The following MYO5A variants were observed in gnomAD, a reference collection of about 807,000 sequenced individuals.
The protein encoded by MYO5A is unconventional myosin-Va.
In MYO5A, 98 loss-of-function variants were observed where a neutral mutation model predicts 249.7. That is an observed-to-expected ratio of 0.39 (90% CI 0.33 to 0.46). The LOEUF (loss-of-function observed/expected upper bound fraction) is 0.46. MYO5A is among the 20% of genes least tolerant of loss of function. The pLI is 0.98. For synonymous variants in MYO5A, 778 were observed against 810.6 expected (o/e 0.96, Z 0.68); for missense variants, 1,696 against 2,308.8 (o/e 0.73, Z 5.44).
At chr15:52,393,452 G>T in intron 11 of MYO5A, among the ~76,000 whole-genome samples, 1 of 151,212 alleles carries the variant, frequency 6.6e-6, no homozygotes, top group Middle Eastern at 3.4e-3. Flanking sequence ...GGAGTGCAGT[G>T]GCACAGTCTG....
chr15:52,340,499 T>A (rs1199757289), intron 31 of MYO5A, 105 bp from the exon 32 acceptor site: 2 of 959,072 alleles, frequency 2.1e-6, no homozygotes, highest in Non-Finnish European at 3.3e-6. Context: ...AAGCAGATAT[T>A]CTTTAGTATC....
Position 52,397,256 on chromosome 15 carries a change from C to T in MYO5A, c.1264G>A (p.Ala422Thr), listed in dbSNP as rs1212702962. The change falls in exon 10 of 42, where the codon GCT becomes ACT. Residue 422 changes from alanine (A) to threonine (T), a missense_variant. Physicochemically the swap from Ala to Thr is moderately conservative, Grantham distance 58 (BLOSUM62 0). Transcript: ENST00000399233. ...TGCTGTTTGACAGCAGAATGGAGAG[C>T]CTGATTGACATTATCTACAATCCAG... ...FNWIVDNVNQ[A>T]LHSAVKQHSF... 6.2e-6 allele frequency: 10 copies of T among 1,614,066 alleles called. No individual in the cohort carries two copies. Among genetic ancestry groups the T allele is most frequent in the Non-Finnish European group, 8.5e-6 (10 of 1,179,992 alleles).
At chr15:52,442,780 G>C (rs1200495357) in intron 1 of MYO5A, among the ~76,000 whole-genome samples, 1 of 140,620 alleles carries the variant, frequency 7.1e-6, no homozygotes, top group Non-Finnish European at 1.5e-5. Flanking sequence ...TTTTGAGATA[G>C]AGTCTTGCTC....
rs574285972 is a variant in MYO5A at position 52,484,440 on chromosome 15, C to T, written c.27+44340G>A. On this transcript the variant is annotated intron_variant, in intron 1 of 41. Transcript: ENST00000399233. The stretch of plus-strand genomic sequence containing the variant: ...TTGCCCTCCTAATCCTTTTTATTAC[C>T]AGAAAAAGGACAGAAGATGAAATCA... Among the ~76,000 whole-genome samples the T allele has an allele frequency of 7.2e-5, 11 of 152,062 alleles. 2 individuals carry two copies. The South Asian group carries it at 2.3e-3, about 32-fold the overall frequency.
chr15:52,370,359 G>C lies in MYO5A; in HGVS notation c.2876C>G (p.Ser959Cys), dbSNP rs1405718308. 8 of 1,614,028 alleles carry C rather than the reference G, an allele frequency of 5.0e-6. No homozygotes were observed. Among genetic ancestry groups the C allele is most frequent in the Non-Finnish European group, 5.9e-6 (7 of 1,179,938 alleles). Residue 959 changes from serine (S) to cysteine (C), a missense_variant, in exon 22 of 42, where the codon TCT (serine) becomes TGT (cysteine). Physicochemically the swap from Ser to Cys is moderately radical, Grantham distance 112 (BLOSUM62 -1). Coordinates refer to ENST00000399233, the MANE Select transcript of MYO5A (RefSeq NM_001382347.1). ...GTCACTTCGTAGTTTCTCAGTCTCA[G>C]AGTTGTATATTCCTTCCAGATTGGT... ...KLTNLEGIYN[S>C]ETEKLRSDLE... is the part of the protein sequence containing the mutation.
At position 52,477,013 on chromosome 15, in the gene MYO5A, G is replaced by A. The variant is rs867200218; in HGVS notation, c.28-43728C>T. Among the ~76,000 whole-genome samples the A allele has an allele frequency of 2.6e-5, 4 of 152,152 alleles. No individual in the cohort carries two copies. In the East Asian group the frequency reaches 5.8e-4, roughly 22 times the overall value. ...TTTCCAACTTGGTTCCATTTTCCCC[G>A]TCACTTTCAGGTACGCCAATCAGAT... On this transcript the variant is annotated intron_variant, in intron 1 of 41. Transcript: ENST00000399233.
intron 24 of MYO5A, 47 bp from the exon 25 acceptor site, chr15:52,360,128 T>C (rs987126845): frequency 7.8e-7 from 1 of 1,286,004 alleles, no homozygotes; most frequent in Admixed American, 1.8e-5. Flanking sequence ...ATAATTAGTC[T>C]AGGCATAGTT....
At chr15:52,524,630 C>T (rs1014894431) in intron 1 of MYO5A, among the ~76,000 whole-genome samples, 1 of 151,840 alleles carries the variant, frequency 6.6e-6, no homozygotes, top group African/African-American at 2.4e-5. Context: ...TGTAATCCCA[C>T]ACTATGGGAG....
At position 52,313,421 on chromosome 15, in the gene MYO5A, T is replaced by C; in HGVS notation, c.*275A>G. 6.9e-6 allele frequency: 3 copies of C among 434,810 alleles called. No individual in the cohort carries two copies. Among genetic ancestry groups the C allele is most frequent in the South Asian group, 4.6e-5 (2 of 43,804 alleles). The allele number at this position is 434,810 out of a possible 1,614,324, so 26.9% of individuals were successfully genotyped here. A position where few individuals can be genotyped will look rare whatever the true frequency, so the allele number is the denominator to read the frequency against. ...AAGACACATTTTTCTCCTCCTTTCC[T>C]TCCTCCCTTCCTTCCATCATTCTCC... On this transcript the variant is annotated 3_prime_UTR_variant, in exon 42 of 42. Coordinates refer to ENST00000399233, the MANE Select transcript of MYO5A (RefSeq NM_001382347.1).
chr15:52,433,392 T>A (rs574269047), intron 1 of MYO5A, 107 bp from the exon 2 acceptor site: 101 of 494,442 alleles, frequency 2.0e-4, no homozygotes, highest in East Asian at 1.9e-3. Flanking sequence ...AAAAAAGAAA[T>A]CTTGGCCAAC....
At chr15:52,350,208 A>G (rs1405626303) in intron 28 of MYO5A, among the ~76,000 whole-genome samples, 1 of 152,230 alleles carries the variant, frequency 6.6e-6, no homozygotes, top group Non-Finnish European at 1.5e-5. Context: ...TTGAGATTAC[A>G]GGCGTGAGCC....
chr15:52,416,245 A>C lies in MYO5A; in HGVS notation c.512T>G (p.Val171Gly). 6.2e-7 allele frequency: 1 copy of C among 1,614,048 alleles called. No homozygotes were observed. Among genetic ancestry groups the C allele is most frequent in the Non-Finnish European group, 8.5e-7 (1 of 1,179,952 alleles). ...GTATCGCATGGCATACTTAGCTGAG[A>C]CTGTTTTTCCTGCCCCAGACTCTCC... ...VSGESGAGKT[V>G]SAKYAMRYFA... Residue 171 changes from valine (V) to glycine (G), a missense_variant, in exon 5 of 42, where the codon GTC (valine) becomes GGC (glycine). Transcript: ENST00000399233.
rs190303588 is a variant in MYO5A at position 52,476,243 on chromosome 15, T to C, written c.28-42958A>G. On this transcript the variant is annotated intron_variant, in intron 1 of 41. Coordinates refer to ENST00000399233, the MANE Select transcript of MYO5A (RefSeq NM_001382347.1). Reference sequence around the variant, plus strand: ...CCTTTTTTTTTGTTTTCCATTTGCTTGGTAGATCTTCCTCCATCCCTTTAT... The same window carrying C: ...CCTTTTTTTTTGTTTTCCATTTGCTCGGTAGATCTTCCTCCATCCCTTTAT... 1.3e-3 allele frequency among the ~76,000 whole-genome samples: 195 copies of C among 152,290 alleles called. 3 individuals are homozygous for C. The highest frequency in any genetic ancestry group is 0.011 in the Admixed American group (169 of 15,298).
At chr15:52,413,932 G>A (rs1444320212) in intron 5 of MYO5A, among the ~76,000 whole-genome samples, 2 of 152,142 alleles carry the variant, frequency 1.3e-5, no homozygotes, top group Admixed American at 1.3e-4. Context: ...CATACTGTAA[G>A]TATTATCTTT....
At chr15:52,362,407 A>T (rs962188300) in intron 24 of MYO5A, among the ~76,000 whole-genome samples, 7 of 152,258 alleles carry the variant, frequency 4.6e-5, no homozygotes, top group African/African-American at 1.4e-4. Flanking sequence ...ACATTAAAAT[A>T]AGATATTGTC....
chr15:52,475,752 G>A (rs11854363), intron 1 of MYO5A, among the ~76,000 whole-genome samples: 23,027 of 152,100 alleles, frequency 0.15, 1,854 homozygotes, highest in Middle Eastern at 0.22. Flanking sequence ...GGTCTGAGAG[G>A]CAGTTTGTTA....
intron 28 of MYO5A, 48 bp downstream of exon 28, chr15:52,351,206 T>C (rs989859236): frequency 6.9e-7 from 1 of 1,441,066 alleles, no homozygotes; most frequent in Non-Finnish European, 9.7e-7. Flanking sequence ...TAAGAAGATA[T>C]TGAGGCCAGT....
chr15:52,519,695 T>A (rs528576722), intron 1 of MYO5A, among the ~76,000 whole-genome samples: 1 of 151,764 alleles, frequency 6.6e-6, no homozygotes, highest in Non-Finnish European at 1.5e-5. Flanking sequence ...TTTCAATTTC[T>A]AACATGCTAT....
chr15:52,352,388 C>T (rs2039998665), intron 27 of MYO5A, among the ~76,000 whole-genome samples: 1 of 152,236 alleles, frequency 6.6e-6, no homozygotes, highest in Non-Finnish European at 1.5e-5. Flanking sequence ...CCTGATGATA[C>T]TGAAACACTT....
Sources: gnomAD v4.1 joint callset for allele counts (sites outside exome capture counted in the v4.1 genomes callset) on GRCh38, gnomAD v4.1.1 for gene constraint, MANE v1.5 for transcripts, NCBI Gene and HGNC (gene_info 2026-07-23, HGNC 2026-07-21) for gene names.